MAMDC2: variants seen among roughly 807,000 people sequenced by gnomAD.
The protein encoded by MAMDC2 is MAM domain containing 2, also known as MAM domain-containing protein 2.
In MAMDC2, 57 loss-of-function variants were observed where a neutral mutation model predicts 89.8. The ratio of observed to expected loss-of-function variants is 0.63; its 90% CI spans 0.51 to 0.79. MAMDC2 has a LOEUF of 0.79. MAMDC2 is among the 30% of genes least tolerant of loss of function. The probability of loss-of-function intolerance (pLI) is 0.00; values close to 1 mark genes in which losing one functional copy is unlikely to be tolerated. For missense variants in MAMDC2, 800 were observed against 820.6 expected, an observed-to-expected ratio of 0.97 and a Z score of 0.31; for synonymous variants, 313 against 293.4, an observed-to-expected ratio of 1.07 and a Z score of -0.68.
At chr9:70,139,814 T>C (rs140815223) in intron 7 of MAMDC2, among the ~76,000 whole-genome samples, 2,324 of 152,348 alleles carry the variant, frequency 0.015, 28 homozygotes, top group Middle Eastern at 0.054. Context: ...ATCGCCATTC[T>C]AACTGGTGTG....
chr9:70,068,542 C>T (rs530122344), intron 2 of MAMDC2, among the ~76,000 whole-genome samples: 10 of 151,946 alleles, frequency 6.6e-5, no homozygotes, highest in Non-Finnish European at 1.2e-4. Flanking sequence ...CACAGTGAAA[C>T]CCCATCTCTA....
rs140989404 is a variant in MAMDC2, at chr9:70,168,702, G to A, written c.1405G>A (p.Val469Met). 1.7e-5 allele frequency: 28 copies of A among 1,612,312 alleles called. No individual in the cohort carries two copies. Among genetic ancestry groups the A allele is most frequent in the Middle Eastern group, 1.6e-4 (1 of 6,080 alleles). Residue 469 changes from valine to methionine, a missense_variant and splice_region_variant, in exon 10 of 14, where the codon GTG (valine) becomes ATG (methionine). Val to Met is a conservative substitution (Grantham distance 21, BLOSUM62 1). Transcript: ENST00000377182. ...ATAGCTTTATTTTTATGAATTTCAG[G>A]TGGTTTTCATGAGCCTATGCAAAAG... Reference protein sequence around the residue: ...ITFKKPMPTKVVFMSLCKSFW... With the variant: ...ITFKKPMPTKMVFMSLCKSFW...
intron 11 of MAMDC2, chr9:70,216,382 T>G (rs1048806813): frequency 6.6e-6 from 1 of 152,086 alleles, no homozygotes; most frequent in African/African-American, 2.4e-5. Context: ...ACAGGCACCA[T>G]CTTGCTGTGT....
intron 2 of MAMDC2, chr9:70,090,457 C>G (rs1260706918): frequency 2.9e-5 from 4 of 140,070 alleles, no homozygotes; most frequent in Admixed American, 1.5e-4. Context: ...GCAATCCAGC[C>G]TGGGTGACAG....
At chr9:70,193,055 C>T (rs2032914334) in intron 11 of MAMDC2, among the ~76,000 whole-genome samples, 1 of 151,942 alleles carries the variant, frequency 6.6e-6, no homozygotes, top group Non-Finnish European at 1.5e-5. Context: ...ATTAGGGTTC[C>T]TGCTAACACT....
intron 11 of MAMDC2, among the ~76,000 whole-genome samples, chr9:70,177,332 A>G (rs2032530596): frequency 6.6e-6 from 1 of 152,314 alleles, no homozygotes; most frequent in Admixed American, 6.5e-5. Flanking sequence ...TGTAGACAGC[A>G]TGGAGACATT....
At chr9:70,150,802 C>T (rs1020982733) in intron 9 of MAMDC2, among the ~76,000 whole-genome samples, 9 of 152,148 alleles carry the variant, frequency 5.9e-5, no homozygotes, top group Non-Finnish European at 1.2e-4. Context: ...TCAATATCTT[C>T]GTAGCTGGAT....
At chr9:70,058,002 C>T (rs777574061) in intron 2 of MAMDC2, among the ~76,000 whole-genome samples, 1 of 152,076 alleles carries the variant, frequency 6.6e-6, no homozygotes, top group African/African-American at 2.4e-5. Flanking sequence ...AAATTTTTAT[C>T]CTTAGATTTC....
At chr9:70,083,001 A>G (rs1336948158) in intron 2 of MAMDC2, 1 of 152,214 alleles carries the variant, frequency 6.6e-6, no homozygotes, top group East Asian at 1.9e-4. Flanking sequence ...GAAATATTCT[A>G]GAAGACACTA....
At chr9:70,089,040 C>T (rs1001855079) in intron 2 of MAMDC2, 6 of 152,220 alleles carry the variant, frequency 3.9e-5, no homozygotes, top group South Asian at 2.1e-4. Flanking sequence ...CTCCATTTTA[C>T]GCCTGAGAAA....
intron 2 of MAMDC2, among the ~76,000 whole-genome samples, chr9:70,050,016 C>T (rs903203354): frequency 2.6e-5 from 4 of 152,166 alleles, no homozygotes; most frequent in African/African-American, 9.7e-5. Flanking sequence ...TCCCTGTCTC[C>T]ACTCTGGGTT....
intron 9 of MAMDC2, among the ~76,000 whole-genome samples, chr9:70,146,217 T>C (rs1385757063): frequency 6.6e-6 from 1 of 152,186 alleles, no homozygotes. Context: ...CCTTTTCTTC[T>C]TTGGAGGCCA....
chr9:70,157,691 CCAAGA>C (rs915324932), intron 9 of MAMDC2: 30 of 152,600 alleles, frequency 2.0e-4, no homozygotes, highest in African/African-American at 7.2e-4. Flanking sequence ...AATCTTCAAA[CCAAGA>C]CATTTGGTTC....
At chr9:70,197,725 A>G (rs2033001266) in intron 11 of MAMDC2, among the ~76,000 whole-genome samples, 1 of 151,434 alleles carries the variant, frequency 6.6e-6, no homozygotes, top group Admixed American at 6.6e-5. Flanking sequence ...TGGCAAAAAC[A>G]AAACAAAACA....
intron 12 of MAMDC2, among the ~76,000 whole-genome samples, chr9:70,225,210 G>GTGTCT (rs888735606): frequency 6.6e-6 from 1 of 152,150 alleles, no homozygotes; most frequent in African/African-American, 2.4e-5. Context: ...TGCCTGAGCT[G>GTGTCT]TGTCTTTGAT....
At position 70,178,016 on chromosome 9, in the gene MAMDC2, C is replaced by A. The variant is rs556416322; in HGVS notation, c.1651+7385C>A. 1.8e-4 allele frequency among the ~76,000 whole-genome samples: 27 copies of A among 152,056 alleles called. 1 individual carries two copies. The highest frequency in any genetic ancestry group is 9.2e-4 in the Admixed American group (14 of 15,262). On this transcript the variant is annotated intron_variant, in intron 11 of 13. Coordinates refer to ENST00000377182, the MANE Select transcript of MAMDC2 (RefSeq NM_153267.5). ...TGTATAACAATGTTGTCAGTGTAAC[C>A]CCAGGGCTGTAGGCCACACACTTAT...
At chr9:70,160,772 T>C (rs1563980711) in intron 9 of MAMDC2, among the ~76,000 whole-genome samples, 1 of 152,170 alleles carries the variant, frequency 6.6e-6, no homozygotes, top group African/African-American at 2.4e-5. Context: ...ATTAGCCAGT[T>C]CTGAAAATCA....
rs111793355 is a variant in MAMDC2, at chr9:70,113,135, G to A, written c.643+3G>A. The A allele has an allele frequency of 2.5e-5, 40 of 1,613,874 alleles. 1 individual carries two copies. Among genetic ancestry groups the A allele is most frequent in the African/African-American group, 2.0e-4 (15 of 75,050 alleles). ...TCACACCTTCAAGAGTGAACTGGGT[G>A]AGCTGGGATCAAATAGAGTCCTTTT... On this transcript the variant is annotated splice_donor_region_variant and intron_variant, in intron 5 of 13. Transcript: ENST00000377182.
intron 2 of MAMDC2, among the ~76,000 whole-genome samples, chr9:70,096,600 G>T (rs1828034646): frequency 6.6e-6 from 1 of 152,114 alleles, no homozygotes; most frequent in Non-Finnish European, 1.5e-5. Flanking sequence ...TCATTCTCTT[G>T]GCTGGGCATA....
Sources: allele counts gnomAD v4.1 joint callset (sites outside exome capture counted in the v4.1 genomes callset), GRCh38; gene constraint gnomAD v4.1.1; transcripts MANE v1.5; gene names NCBI Gene and HGNC (gene_info 2026-07-23, HGNC 2026-07-21).